AP3B1: variants seen among roughly 807,000 people sequenced by gnomAD.
The protein encoded by AP3B1 is AP-3 complex subunit beta-1.
AP3B1 carries 61 observed loss-of-function variants against 132.5 expected under a neutral mutation model. That is an observed-to-expected ratio of 0.46 (90% CI 0.37 to 0.57). The LOEUF is 0.57. Ranked by LOEUF, AP3B1 falls within the 20% of genes least tolerant of loss-of-function variation. AP3B1 has a pLI of 0.00. For synonymous variants in AP3B1, 388 were observed against 438.3 expected (o/e 0.89, Z 1.43); for missense variants, 1,120 against 1,289.4 (o/e 0.87, Z 2.01).
At position 78,212,991 on chromosome 5, in the gene AP3B1, C is replaced by T. The variant is rs1232238601; in HGVS notation, c.786+3064G>A. Among the ~76,000 whole-genome samples, 3 of 152,070 alleles carry T rather than the reference C, an allele frequency of 2.0e-5. No individual in the cohort carries two copies. The East Asian group carries it at 5.8e-4, about 29-fold the overall frequency. Reference sequence around the variant, plus strand: ...CTCCTGGGTTCATGCCATTCTCCTGCCTCAGCCTCCCAAGTAGCTGGGACT... The same window carrying T: ...CTCCTGGGTTCATGCCATTCTCCTGTCTCAGCCTCCCAAGTAGCTGGGACT... On this transcript the variant is annotated intron_variant, in intron 7 of 26. Coordinates refer to ENST00000255194, the MANE Select transcript of AP3B1 (RefSeq NM_003664.5).
At chr5:78,205,183 T>G (rs1745454255) in intron 7 of AP3B1, among the ~76,000 whole-genome samples, 1 of 152,084 alleles carries the variant, frequency 6.6e-6, no homozygotes, top group African/African-American at 2.4e-5. Flanking sequence ...ATACAATTTT[T>G]AAAATTATAA....
chr5:78,078,277 G>T (rs543747735), intron 22 of AP3B1, among the ~76,000 whole-genome samples: 2 of 151,912 alleles, frequency 1.3e-5, no homozygotes, highest in Admixed American at 6.6e-5. Context: ...TAATCATTCC[G>T]GTGCAAATCT....
chr5:78,126,504 CAAAAAAAAA>C (rs70997969), intron 17 of AP3B1, among the ~76,000 whole-genome samples: 183 of 62,378 alleles, frequency 2.9e-3, no homozygotes, highest in South Asian at 0.014. Flanking sequence ...GACTCTGTCT[CAAAAAAAAA>C]AAAAAAAAAA....
At chr5:78,284,285 A>G (rs1198998698) in intron 1 of AP3B1, among the ~76,000 whole-genome samples, 1 of 152,226 alleles carries the variant, frequency 6.6e-6, no homozygotes, top group Non-Finnish European at 1.5e-5. Flanking sequence ...TCTGCCTGGT[A>G]TACACAGGTA....
intron 4 of AP3B1, 84 bp from the exon 5 acceptor site, chr5:78,227,616 T>A: frequency 7.6e-7 from 1 of 1,312,540 alleles, no homozygotes; most frequent in Non-Finnish European, 1.1e-6. Context: ...AATAGGTGCT[T>A]AAAGGGTGTA....
At chr5:78,019,703 G>A (rs1372131102) in intron 25 of AP3B1, among the ~76,000 whole-genome samples, 1 of 152,050 alleles carries the variant, frequency 6.6e-6, no homozygotes, top group Admixed American at 6.6e-5. Context: ...TTATGGACTT[G>A]TATGAGATTT....
intron 2 of AP3B1, among the ~76,000 whole-genome samples, chr5:78,262,526 A>C (rs1422803962): frequency 1.3e-5 from 2 of 152,194 alleles, no homozygotes; most frequent in African/African-American, 4.8e-5. Flanking sequence ...ATTACCAAAA[A>C]TCATTTGACC....
intron 7 of AP3B1, among the ~76,000 whole-genome samples, chr5:78,215,101 G>A (rs550135708): frequency 5.9e-5 from 9 of 151,952 alleles, no homozygotes; most frequent in African/African-American, 2.2e-4. Context: ...ATTTTTCCAT[G>A]TTATTTACAT....
chr5:78,039,250 T>C lies in AP3B1; in HGVS notation c.2602A>G (p.Thr868Ala), dbSNP rs1561368084. The C allele has an allele frequency of 1.1e-5, 17 of 1,614,024 alleles. No individual in the cohort carries two copies. In the East Asian group the frequency reaches 3.6e-4, roughly 34 times the overall value. ...CGATGAAGCAGCACGTGAGTTTTCG[T>C]TGGTACAAATGCAGGAGTACTGACC... is the stretch of plus-strand genomic sequence containing the variant. ...ISVSTPAFVP[T>A]KTHVLLHRMS... is the part of the protein sequence containing the mutation. The change falls in exon 23 of 27, where the codon ACG becomes GCG. Residue 868 changes from threonine to alanine, a missense_variant. By Grantham distance (58) the Thr-to-Ala change is moderately conservative. This residue lies in a region of AP3B1 where 906 missense variants were observed against 997.1 expected (regional missense o/e 0.91). Coordinates refer to ENST00000255194, the MANE Select transcript of AP3B1 (RefSeq NM_003664.5).
downstream of AP3B1, chr5:78,001,261 TG>T (rs1746196872): frequency 6.6e-6 from 1 of 152,248 alleles, no homozygotes; most frequent in Non-Finnish European, 1.5e-5. Context: ...AAATTCTGTC[TG>T]ACATTTCAAA....
intron 22 of AP3B1, among the ~76,000 whole-genome samples, chr5:78,039,940 GC>G (rs1257763497): frequency 6.7e-6 from 1 of 149,798 alleles, no homozygotes; most frequent in African/African-American, 2.5e-5. Flanking sequence ...TCTATATTTG[GC>G]CATCTTGCTA....
At chr5:78,102,344 CATA>C (rs1407016749) in intron 20 of AP3B1, among the ~76,000 whole-genome samples, 2 of 152,054 alleles carry the variant, frequency 1.3e-5, no homozygotes, top group African/African-American at 4.8e-5. Context: ...TCAAGGACCA[CATA>C]ATAATATACA....
chr5:78,067,932 C>G (rs186813020), intron 22 of AP3B1, among the ~76,000 whole-genome samples: 4 of 148,138 alleles, frequency 2.7e-5, no homozygotes, highest in Admixed American at 2.1e-4. Flanking sequence ...TTGAAGGAGA[C>G]AGACACATGA....
rs918078235 is a variant in AP3B1 at position 78,086,860 on chromosome 5, G to T, written c.2577+2533C>A. Among the ~76,000 whole-genome samples the T allele has an allele frequency of 5.9e-5, 9 of 151,574 alleles. No individual in the cohort carries two copies. The East Asian group carries it at 1.5e-3, about 26-fold the overall frequency. On this transcript the variant is annotated intron_variant, in intron 22 of 26. Transcript: ENST00000255194. ...AAATACGAAGTTTTTTTTTTCTTTG[G>T]CAAGATTTTAACAGGCTCAATTTTC...
intron 25 of AP3B1, among the ~76,000 whole-genome samples, chr5:78,019,355 G>A (rs1350321309): frequency 6.6e-6 from 1 of 152,054 alleles, no homozygotes; most frequent in Non-Finnish European, 1.5e-5. Flanking sequence ...GAGTGAAAGG[G>A]TATATAATAA....
chr5:78,112,120 A>G (rs1011603180), intron 19 of AP3B1, among the ~76,000 whole-genome samples: 4 of 152,180 alleles, frequency 2.6e-5, no homozygotes, highest in Admixed American at 2.6e-4. Context: ...TCATACTGGC[A>G]AAGTTAAAAA....
At chr5:78,160,117 T>TCC (rs1343826077) in intron 13 of AP3B1, among the ~76,000 whole-genome samples, 40 of 152,308 alleles carry the variant, frequency 2.6e-4, no homozygotes, top group African/African-American at 9.1e-4. Flanking sequence ...AATATATTTG[T>TCC]CTTATATTAC....
At chr5:78,172,957 T>G (rs1743985218) in intron 11 of AP3B1, among the ~76,000 whole-genome samples, 1 of 152,214 alleles carries the variant, frequency 6.6e-6, no homozygotes, top group South Asian at 2.1e-4. Flanking sequence ...TCTGGTATGT[T>G]GTGTCTTTGT....
chr5:78,259,370 A>G (rs985375846), intron 2 of AP3B1, among the ~76,000 whole-genome samples: 1 of 152,170 alleles, frequency 6.6e-6, no homozygotes, highest in East Asian at 1.9e-4. Flanking sequence ...CCAGAGGCTG[A>G]GAAGGGAAGT....
Sources: gnomAD v4.1 joint callset for allele counts (sites outside exome capture counted in the v4.1 genomes callset) on GRCh38, gnomAD v4.1.1 for gene constraint, gnomAD v4.1.1 regional missense constraint, MANE v1.5 for transcripts, NCBI Gene and HGNC (gene_info 2026-07-23, HGNC 2026-07-21) for gene names.